The following LARGE1 variants were observed in gnomAD, a reference collection of about 807,000 sequenced individuals.
The protein encoded by LARGE1 is LARGE xylosyl- and glucuronyltransferase 1, also known as xylosyl- and glucuronyltransferase LARGE1.
Under a neutral mutation model 87.6 loss-of-function variants are expected in LARGE1, and 43 were observed. The observed-to-expected ratio is 0.49, with a 90% CI of 0.38 to 0.63. LARGE1 has a LOEUF of 0.63. LARGE1 is among the 30% of genes least tolerant of loss of function. The pLI, the probability that LARGE1 is intolerant of heterozygous loss-of-function variation, is 0.00. For missense variants in LARGE1, 802 were observed against 1,000.2 expected (o/e 0.80, Z 2.67); for synonymous variants, 434 against 394.6 (o/e 1.10, Z -1.18).
chr22:33,500,265 C>T (rs1261664443), intron 6 of LARGE1, among the ~76,000 whole-genome samples: 1 of 152,162 alleles, frequency 6.6e-6, no homozygotes, highest in African/African-American at 2.4e-5. Context: ...GCTTTGCCAA[C>T]AGTTAGGTGC....
chr22:33,348,856 G>T (rs892084749), intron 9 of LARGE1, among the ~76,000 whole-genome samples: 4 of 152,076 alleles, frequency 2.6e-5, no homozygotes, highest in African/African-American at 9.7e-5. Context: ...GTTGTGGGAG[G>T]GGCTTGGTGG....
chr22:33,580,342 C>G (rs2078480272), intron 5 of LARGE1, among the ~76,000 whole-genome samples: 2 of 151,240 alleles, frequency 1.3e-5, no homozygotes, highest in South Asian at 4.2e-4. Context: ...TGCACTCCAG[C>G]CTAGGCAACA....
At chr22:33,595,953 G>A (rs1009727524) in intron 5 of LARGE1, among the ~76,000 whole-genome samples, 2 of 152,192 alleles carry the variant, frequency 1.3e-5, no homozygotes, top group East Asian at 3.9e-4. Flanking sequence ...GGCATAAGGC[G>A]AATATTTCTA....
chr22:33,528,914 T>C (rs1211124185), intron 6 of LARGE1, among the ~76,000 whole-genome samples: 1 of 152,042 alleles, frequency 6.6e-6, no homozygotes, highest in African/African-American at 2.4e-5. Flanking sequence ...ACGCCAGGCA[T>C]TGTTCTATGC....
chr22:33,816,674 G>GGATGGATGGATA (rs145852114), intron 1 of LARGE1, among the ~76,000 whole-genome samples: 13 of 141,328 alleles, frequency 9.2e-5, no homozygotes, highest in Non-Finnish European at 1.7e-4. Flanking sequence ...ACGGATGGAT[G>GGATGGATGGATA]GATAGATAGA....
chr22:33,317,214 A>AAAACAAAC (rs772830508), intron 10 of LARGE1, among the ~76,000 whole-genome samples: 1 of 152,170 alleles, frequency 6.6e-6, no homozygotes, highest in Non-Finnish European at 1.5e-5. Flanking sequence ...ACTCCAACTC[A>AAAACAAAC]AAACAAACAA....
At chr22:33,731,294 C>G (rs2083459838) in intron 2 of LARGE1, among the ~76,000 whole-genome samples, 1 of 152,158 alleles carries the variant, frequency 6.6e-6, no homozygotes, top group Non-Finnish European at 1.5e-5. Flanking sequence ...TGAGCCACCG[C>G]ACCCAGCCCG....
chr22:33,330,477 C>T (rs578091270), intron 10 of LARGE1, among the ~76,000 whole-genome samples: 55 of 152,136 alleles, frequency 3.6e-4, no homozygotes, highest in Middle Eastern at 6.8e-3. Context: ...CATGAGCTAC[C>T]GCACCCTGCC....
At chr22:33,485,280 C>T (rs2069522957) in intron 6 of LARGE1, among the ~76,000 whole-genome samples, 2 of 150,882 alleles carry the variant, frequency 1.3e-5, no homozygotes, top group African/African-American at 2.4e-5. Flanking sequence ...GTGGCACGAT[C>T]TGGGCTCACT....
At chr22:33,232,818 A>C (rs1926073855) in intron 11 of LARGE1, among the ~76,000 whole-genome samples, 2 of 152,170 alleles carry the variant, frequency 1.3e-5, no homozygotes, top group Non-Finnish European at 2.9e-5. Flanking sequence ...AAGGTGCTTG[A>C]CTTATGGACT....
intron 11 of LARGE1, among the ~76,000 whole-genome samples, chr22:33,228,448 T>G (rs1053932620): frequency 1.3e-5 from 2 of 152,258 alleles, no homozygotes; most frequent in Non-Finnish European, 2.9e-5. Flanking sequence ...GAAGCTACCC[T>G]TAAGTGAACC....
exon 12 of LARGE1, chr22:33,162,874 T>C (rs1214291285): frequency 6.6e-6 from 1 of 152,244 alleles, no homozygotes; most frequent in Non-Finnish European, 1.5e-5. Context: ...ATTAAAAGGT[T>C]AACACTTGGA....
At chr22:33,319,692 G>C (rs748058473) in intron 10 of LARGE1, among the ~76,000 whole-genome samples, 2 of 152,122 alleles carry the variant, frequency 1.3e-5, no homozygotes, top group Non-Finnish European at 2.9e-5. Flanking sequence ...TACCGCGCCC[G>C]GCCAATAAAT....
At chr22:33,526,343 C>A (rs756082303) in intron 6 of LARGE1, among the ~76,000 whole-genome samples, 1 of 152,152 alleles carries the variant, frequency 6.6e-6, no homozygotes, top group African/African-American at 2.4e-5. Context: ...CTTAAAGAGG[C>A]CTGTTTTCGC....
At chr22:33,306,553 T>G (rs1416740344) in intron 11 of LARGE1, among the ~76,000 whole-genome samples, 1 of 151,940 alleles carries the variant, frequency 6.6e-6, no homozygotes, top group African/African-American at 2.4e-5. Context: ...ACAGTCCCTC[T>G]CCTAAGCTCA....
the LARGE1 span, among the ~76,000 whole-genome samples, chr22:33,080,844 A>G: frequency 2.6e-5 from 4 of 152,156 alleles, no homozygotes. Flanking sequence ...CAGTTTACCC[A>G]TCTGTAAAAT....
intron 1 of LARGE1, among the ~76,000 whole-genome samples, chr22:33,841,378 C>G (rs960610539): frequency 6.6e-6 from 1 of 152,176 alleles, no homozygotes; most frequent in Non-Finnish European, 1.5e-5. Context: ...AGAGGTGAAT[C>G]TACCCTGTGG....
chr22:33,173,469 AAG>A (rs1462765995), intron 11 of LARGE1, among the ~76,000 whole-genome samples: 9 of 152,188 alleles, frequency 5.9e-5, no homozygotes, highest in Non-Finnish European at 8.8e-5. Flanking sequence ...CCACAATGAC[AAG>A]ATCAAATTCA....
the LARGE1 span, among the ~76,000 whole-genome samples, chr22:33,118,630 G>A: frequency 0.26 from 39,138 of 151,954 alleles, 5,276 homozygotes; most frequent in South Asian, 0.36. Flanking sequence ...ATAGGTAGTG[G>A]CGGTCCTCCA....
Sources: gnomAD v4.1 joint callset for allele counts (sites outside exome capture counted in the v4.1 genomes callset) on GRCh38, gnomAD v4.1.1 for gene constraint, MANE v1.5 for transcripts, NCBI Gene and HGNC (gene_info 2026-07-23, HGNC 2026-07-21) for gene names.